PGF: variants seen among roughly 807,000 people sequenced by gnomAD.
The protein encoded by PGF is placenta growth factor.
A neutral mutation model predicts 25.3 loss-of-function variants in PGF; 11 were observed. The observed-to-expected ratio is 0.43, with a 90% CI of 0.27 to 0.72. The LOEUF (loss-of-function observed/expected upper bound fraction) is 0.72, where lower values mean the gene tolerates loss of function less well. PGF is among the 30% of genes least tolerant of loss of function. PGF has a pLI of 0.18. For synonymous variants in PGF, 105 were observed against 97.9 expected, an observed-to-expected ratio of 1.07 and a Z score of -0.43; for missense variants, 230 against 234.9, an observed-to-expected ratio of 0.98 and a Z score of 0.14.
At position 74,942,444 on chromosome 14, in the gene PGF, C is replaced by T. The variant is rs895484060; in HGVS notation, c.*262G>A. 2.7e-5 allele frequency: 13 copies of T among 480,408 alleles called. No individual in the cohort carries two copies. The Admixed American group carries it at 3.9e-4, about 14-fold the overall frequency. The allele number at this position is 480,408 out of a possible 1,614,324, so 29.8% of individuals were successfully genotyped here. ...CCTCTGGGGCCTAGCTTGCCCCTCA[C>T]GAGGCCACGTGTCTTGCTTCTTTCA... On this transcript the variant is annotated 3_prime_UTR_variant, in exon 7 of 7. Transcript: ENST00000555567.
chr14:74,944,158 A>AGT (rs1023606324), intron 6 of PGF, among the ~76,000 whole-genome samples: 6 of 141,526 alleles, frequency 4.2e-5, no homozygotes, highest in Non-Finnish European at 7.5e-5. Context: ...GCTGGAGTGC[A>AGT]GTGGCGTGAT....
rs201183034 is a variant in PGF at position 74,948,523 on chromosome 14, C to T, written c.376G>A (p.Val126Ile). 1.6e-4 allele frequency: 249 copies of T among 1,597,112 alleles called. No homozygotes were observed. Among genetic ancestry groups the T allele is most frequent in the Middle Eastern group, 1.7e-4 (1 of 6,012 alleles). ...GAGACCTACCGGCATTCGCAGCGAA[C>T]GTGCTGAGAGAACGTCAGCTCCACG... ...SYVELTFSQH[V>I]RCECRPLREK... Residue 126 changes from valine to isoleucine, a missense_variant, in exon 4 of 7, where the codon GTT becomes ATT. Physicochemically the swap from Val to Ile is conservative, Grantham distance 29. Coordinates refer to ENST00000555567, the MANE Select transcript of PGF (RefSeq NM_002632.6).
intron 4 of PGF, chr14:74,948,122 C>A (rs61759382): frequency 0.021 from 3,732 of 178,332 alleles, 53 homozygotes; most frequent in Middle Eastern, 0.028. Context: ...TGCCCCAGAA[C>A]GAAGTTCAGA....
intron 2 of PGF, among the ~76,000 whole-genome samples, chr14:74,949,852 G>C (rs112852088): frequency 1.3e-5 from 2 of 152,216 alleles, no homozygotes; most frequent in African/African-American, 4.8e-5. Context: ...AGCCCCGGCA[G>C]CTACCCAGGC....
At chr14:74,954,996 C>T (rs1888953529) in intron 1 of PGF, among the ~76,000 whole-genome samples, 172 bp downstream of exon 1, 1 of 151,214 alleles carries the variant, frequency 6.6e-6, no homozygotes, top group African/African-American at 2.4e-5. Context: ...TGGGGGACAG[C>T]CAGCCTGAGG....
chr14:74,948,948 T>C (rs181171395), intron 3 of PGF, among the ~76,000 whole-genome samples: 28 of 152,324 alleles, frequency 1.8e-4, no homozygotes, highest in African/African-American at 6.0e-4. Flanking sequence ...CCTTGAAGGA[T>C]TGAATGACAC....
chr14:74,946,209 T>C lies in PGF; in HGVS notation c.485+4A>G. 1.9e-6 allele frequency: 3 copies of C among 1,613,462 alleles called. No homozygotes were observed. The highest frequency in any genetic ancestry group is 2.5e-6 in the Non-Finnish European group (3 of 1,179,506). On this transcript the variant is annotated splice_donor_region_variant and intron_variant, in intron 6 of 6. Coordinates refer to ENST00000555567, the MANE Select transcript of PGF (RefSeq NM_002632.6). Reference sequence around the variant, plus strand: ...TCGCCATCCCTGGGACCCCGCACACTCACAGGTGGCAGTCTGTGGGTCTCT... The same window carrying C: ...TCGCCATCCCTGGGACCCCGCACACCCACAGGTGGCAGTCTGTGGGTCTCT...
At chr14:74,946,875 G>A (rs752227840) in intron 4 of PGF, 18 of 760,450 alleles carry the variant, frequency 2.4e-5, no homozygotes, top group Admixed American at 8.5e-5. Flanking sequence ...AGTGAGCGAC[G>A]GGGTGGGAGG....
At chr14:74,949,752 G>A (rs565697533) in intron 2 of PGF, among the ~76,000 whole-genome samples, 199 bp from the exon 3 acceptor site, 2 of 152,300 alleles carry the variant, frequency 1.3e-5, no homozygotes, top group Admixed American at 1.3e-4. Flanking sequence ...AAATCCCCAT[G>A]GAACAGAATC....
At chr14:74,948,972 C>T (rs551783436) in intron 3 of PGF, among the ~76,000 whole-genome samples, 4 of 152,224 alleles carry the variant, frequency 2.6e-5, no homozygotes, top group Admixed American at 6.5e-5. Flanking sequence ...ACTTGTGGCA[C>T]GCCTAGGACA....
At position 74,949,549 on chromosome 14, in the gene PGF, T is replaced by C. The variant is rs753988651; in HGVS notation, c.123A>G (p.Val41=). The change falls in exon 3 of 7, where the codon GTA becomes GTG. Residue 41 remains valine, a synonymous_variant. Transcript: ENST00000555567. ...TGCGGCCCCACACTTCCTGGAAGGG[T>C]ACCACTGCGAGGAAGCAAGGGGGCT... ...AGNGSSEVEV[V]PFQEVWGRSY... 6.4e-7 allele frequency: 1 copy of C among 1,564,074 alleles called. No individual in the cohort carries two copies. The highest frequency in any genetic ancestry group is 8.7e-7 in the Non-Finnish European group (1 of 1,155,136).
Position 74,953,753 on chromosome 14 carries a change from G to A in PGF, c.118+151C>T. ...GGGTCACCATGAGGGGATCTCTTAG[G>A]CCCTGCCAAAGTCATCACCCAGCAT... On this transcript the variant is annotated intron_variant, in intron 2 of 6. Transcript: ENST00000555567. The surrounding 1 kb of genome is among the most constrained non-coding windows in gnomAD (Gnocchi z 5.4). 1.3e-6 allele frequency: 1 copy of A among 790,614 alleles called. No homozygotes were observed. Among genetic ancestry groups the A allele is most frequent in the Non-Finnish European group, 2.2e-6 (1 of 453,322 alleles). The allele number at this position is 790,614 out of a possible 1,614,324, so 49.0% of individuals were successfully genotyped here. A position where few individuals can be genotyped will look rare whatever the true frequency, so the allele number is the denominator to read the frequency against.
intron 1 of PGF, 113 bp from the exon 2 acceptor site, chr14:74,954,059 G>T: frequency 1.1e-6 from 1 of 949,862 alleles, no homozygotes; most frequent in Non-Finnish European, 1.7e-6. Flanking sequence ...CCCACTTGCT[G>T]CACATGCTCT....
chr14:74,944,316 A>C (rs565569281), intron 6 of PGF, among the ~76,000 whole-genome samples: 3 of 151,738 alleles, frequency 2.0e-5, no homozygotes, highest in Non-Finnish European at 2.9e-5. Context: ...GTTAGCCAGG[A>C]TGGTCTCGAT....
intron 2 of PGF, among the ~76,000 whole-genome samples, chr14:74,952,427 A>T (rs1355892465): frequency 6.6e-6 from 1 of 151,560 alleles, no homozygotes; most frequent in Non-Finnish European, 1.5e-5. Context: ...GCTTGGGGCG[A>T]CCCCCAGGGC....
chr14:74,943,833 TG>T (rs750284247), intron 6 of PGF, among the ~76,000 whole-genome samples: 161 of 152,342 alleles, frequency 1.1e-3, no homozygotes, highest in Non-Finnish European at 1.8e-3. Context: ...AGAATTATTT[TG>T]ATAATTTATT....
Position 74,948,596 on chromosome 14 carries a change from A to T in PGF, c.316-13T>A. ...GGATCTTTAGGAGCTGAAGGAAGAAAGAGTTGATGCCTGGATTGGGGAGTG... is the reference window on the plus strand; with the variant it reads ...GGATCTTTAGGAGCTGAAGGAAGAATGAGTTGATGCCTGGATTGGGGAGTG... On this transcript the variant is annotated splice_polypyrimidine_tract_variant and intron_variant, in intron 3 of 6. Coordinates refer to ENST00000555567, the MANE Select transcript of PGF (RefSeq NM_002632.6). 1 of 1,583,336 alleles carries T rather than the reference A, an allele frequency of 6.3e-7. No individual in the cohort carries two copies. The highest frequency in any genetic ancestry group is 1.3e-5 in the African/African-American group (1 of 74,248).
At chr14:74,943,489 C>CT (rs1274731696) in intron 6 of PGF, among the ~76,000 whole-genome samples, 1 of 152,196 alleles carries the variant, frequency 6.6e-6, no homozygotes, top group Non-Finnish European at 1.5e-5. Context: ...GTAATTTGTT[C>CT]TTAGCAGAGC....
chr14:74,948,207 C>T (rs376877987), intron 4 of PGF: 2 of 287,018 alleles, frequency 7.0e-6, no homozygotes, highest in African/African-American at 2.2e-5. Flanking sequence ...AGAAGGGGAA[C>T]GACACGCACC....
Sources: allele counts gnomAD v4.1 joint callset (sites outside exome capture counted in the v4.1 genomes callset), GRCh38; gene constraint gnomAD v4.1.1; non-coding constraint Gnocchi (gnomAD v3.1); transcripts MANE v1.5; gene names NCBI Gene and HGNC (gene_info 2026-07-23, HGNC 2026-07-21).